Variants in JMJD1C observed in about 807,000 individuals in gnomAD.
JMJD1C encodes the protein jumonji domain-containing protein 1C.
Under a neutral mutation model 245.3 loss-of-function variants are expected in JMJD1C, and 31 were observed. The observed-to-expected ratio is 0.13, with a 90% CI of 0.09 to 0.17. JMJD1C has a LOEUF of 0.17. Among genes scored for constraint, JMJD1C ranks in the 10% least tolerant of loss-of-function variants. The probability of loss-of-function intolerance (pLI) is 1.00; values close to 1 mark genes in which losing one functional copy is unlikely to be tolerated. For missense variants in JMJD1C, 2,691 were observed against 3,000.2 expected (o/e 0.90, Z 2.41); for synonymous variants, 1,057 against 1,017.4 (o/e 1.04, Z -0.74).
intron 2 of JMJD1C, among the ~76,000 whole-genome samples, chr10:63,318,251 G>C (rs191353789): frequency 1.3e-5 from 2 of 151,996 alleles, no homozygotes; most frequent in South Asian, 2.1e-4. Flanking sequence ...TCCTAGACTC[G>C]AGGAATCCTC....
At chr10:63,428,327 T>A (rs541230285) in intron 1 of JMJD1C, among the ~76,000 whole-genome samples, 23 of 152,340 alleles carry the variant, frequency 1.5e-4, no homozygotes, top group African/African-American at 5.1e-4. Flanking sequence ...AGAACATTTT[T>A]CTCTAACTTG....
intron 1 of JMJD1C, among the ~76,000 whole-genome samples, chr10:63,461,129 T>C (rs982408351): frequency 9.2e-5 from 14 of 152,194 alleles, no homozygotes; most frequent in Admixed American, 2.0e-4. Flanking sequence ...TGTCCCACCA[T>C]TGGGGCAATT....
intron 3 of JMJD1C, among the ~76,000 whole-genome samples, chr10:63,238,855 C>T (rs1246235858): frequency 6.6e-6 from 1 of 152,222 alleles, no homozygotes; most frequent in Non-Finnish European, 1.5e-5. Flanking sequence ...CACCTGGTAT[C>T]AATTACTGTG....
At chr10:63,496,050 T>TA (rs1954357586) in intron 1 of JMJD1C, among the ~76,000 whole-genome samples, 1 of 133,484 alleles carries the variant, frequency 7.5e-6, no homozygotes, top group Non-Finnish European at 1.6e-5. Context: ...AAAAAAAAAA[T>TA]TAAAAAAAAA....
intron 8 of JMJD1C, among the ~76,000 whole-genome samples, chr10:63,210,536 T>C (rs899613317): frequency 2.6e-5 from 4 of 152,166 alleles, no homozygotes; most frequent in Admixed American, 6.5e-5. Context: ...ATACTGAGTA[T>C]TGCTCCCTTC....
intron 1 of JMJD1C, 77 bp downstream of exon 1, chr10:63,465,418 A>AG: frequency 1.4e-6 from 2 of 1,394,844 alleles, no homozygotes; most frequent in Non-Finnish European, 1.9e-6. Flanking sequence ...GAGGCGCCAG[A>AG]GGGAAGCCTG....
At chr10:63,262,790 G>A (rs1854950484) in intron 3 of JMJD1C, among the ~76,000 whole-genome samples, 1 of 144,394 alleles carries the variant, frequency 6.9e-6, no homozygotes, top group Non-Finnish European at 1.5e-5. Flanking sequence ...TAGCTCTTAT[G>A]CCTCTCAAAC....
At chr10:63,320,147 T>C (rs779421103) in intron 2 of JMJD1C, among the ~76,000 whole-genome samples, 1 of 152,192 alleles carries the variant, frequency 6.6e-6, no homozygotes, top group Non-Finnish European at 1.5e-5. Context: ...TTCAAGTGAT[T>C]CGCCTACCTC....
At chr10:63,436,785 A>G (rs1951080366) in intron 1 of JMJD1C, among the ~76,000 whole-genome samples, 1 of 152,104 alleles carries the variant, frequency 6.6e-6, no homozygotes, top group African/African-American at 2.4e-5. Context: ...AGGCAATATA[A>G]ACCTATGGAT....
At chr10:63,446,754 TAA>T (rs1284730629) in intron 1 of JMJD1C, among the ~76,000 whole-genome samples, 2 of 152,202 alleles carry the variant, frequency 1.3e-5, no homozygotes, top group Admixed American at 6.5e-5. Context: ...TGCTTGATTT[TAA>T]AAAGACGAGG....
intron 22 of JMJD1C, among the ~76,000 whole-genome samples, chr10:63,180,837 C>T (rs1376190069): frequency 3.3e-5 from 5 of 149,652 alleles, no homozygotes; most frequent in Non-Finnish European, 5.9e-5. Context: ...GGCGGGATCT[C>T]GGCTCACTGC....
At chr10:63,369,755 A>G (rs1946145556) in intron 2 of JMJD1C, among the ~76,000 whole-genome samples, 2 of 152,184 alleles carry the variant, frequency 1.3e-5, no homozygotes, top group Non-Finnish European at 2.9e-5. Context: ...ACCAAAGAAG[A>G]AAAAGATGCC....
chr10:63,273,702 G>C (rs963304659), intron 2 of JMJD1C, among the ~76,000 whole-genome samples: 1 of 152,162 alleles, frequency 6.6e-6, no homozygotes, highest in Admixed American at 6.5e-5. Flanking sequence ...GCTAAACCAG[G>C]CTAGGGGAAG....
At chr10:63,486,206 A>C (rs1211778504) in intron 1 of JMJD1C, among the ~76,000 whole-genome samples, 5 of 148,124 alleles carry the variant, frequency 3.4e-5, no homozygotes, top group African/African-American at 1.3e-4. Flanking sequence ...GCCACATGTG[A>C]GGAAGTTTGA....
At chr10:63,244,695 A>C (rs1318030413) in intron 3 of JMJD1C, among the ~76,000 whole-genome samples, 2 of 151,772 alleles carry the variant, frequency 1.3e-5, no homozygotes, top group African/African-American at 4.8e-5. Flanking sequence ...TATCAAAATC[A>C]GCCGGGGTGG....
chr10:63,365,360 A>C (rs1009922292), intron 2 of JMJD1C, among the ~76,000 whole-genome samples: 3 of 152,242 alleles, frequency 2.0e-5, no homozygotes, highest in Non-Finnish European at 4.4e-5. Flanking sequence ...CAAATCTTAA[A>C]TTGTCTGATC....
rs143036670 is a variant in JMJD1C at position 63,204,162 on chromosome 10, C to G, written c.5074+2433G>C. The G allele has an allele frequency of 4.6e-5, 45 of 984,808 alleles. No individual in the cohort carries two copies. In the East Asian group the frequency reaches 2.8e-3, roughly 62 times the overall value. The allele number at this position is 984,808 out of a possible 1,614,324, so 61.0% of individuals were successfully genotyped here. A position where few individuals can be genotyped will look rare whatever the true frequency, so the allele number is the denominator to read the frequency against. ...AGAAAAAAAAAACTTTTCTAGGTAG[C>G]CTAGAACAAAAGCAAGTCAACTCTG... On this transcript the variant is annotated intron_variant, in intron 10 of 25. Transcript: ENST00000399262.
chr10:63,221,037 A>G (rs1589192665), intron 3 of JMJD1C, among the ~76,000 whole-genome samples: 1 of 149,196 alleles, frequency 6.7e-6, no homozygotes, highest in Admixed American at 6.7e-5. Context: ...TGTGAACCGG[A>G]AGGTGGCACT....
At chr10:63,519,326 A>G (rs147781075) in intron 1 of JMJD1C, among the ~76,000 whole-genome samples, 369 of 152,364 alleles carry the variant, frequency 2.4e-3, no homozygotes, top group Non-Finnish European at 4.1e-3. Context: ...ATTAATATTC[A>G]CAATGATGAC....
Sources: allele counts gnomAD v4.1 joint callset (sites outside exome capture counted in the v4.1 genomes callset), GRCh38; gene constraint gnomAD v4.1.1; transcripts MANE v1.5; gene names NCBI Gene and HGNC (gene_info 2026-07-23, HGNC 2026-07-21).